Variants in TMCO4 observed in about 807,000 individuals in gnomAD.
The protein encoded by TMCO4 is transmembrane and coiled-coil domain-containing protein 4.
A neutral mutation model predicts 64.7 loss-of-function variants in TMCO4; 58 were observed. The ratio of observed to expected loss-of-function variants is 0.90; its 90% CI spans 0.73 to 1.12. The LOEUF (loss-of-function observed/expected upper bound fraction) is 1.12, where lower values mean the gene tolerates loss of function less well. TMCO4 is among the 50% of genes most tolerant of loss of function. The probability of loss-of-function intolerance (pLI) is 0.00; values close to 1 mark genes in which losing one functional copy is unlikely to be tolerated. For synonymous variants in TMCO4, 325 were observed against 346.1 expected, an observed-to-expected ratio of 0.94 and a Z score of 0.68; for missense variants, 780 against 825.9, an observed-to-expected ratio of 0.94 and a Z score of 0.68.
chr1:19,738,704 G>T (rs921834794), intron 12 of TMCO4, among the ~76,000 whole-genome samples: 1 of 152,246 alleles, frequency 6.6e-6, no homozygotes, highest in Admixed American at 6.5e-5. Flanking sequence ...GGGATTGAAG[G>T]GGGTGGCCAG....
intron 7 of TMCO4, 53 bp downstream of exon 7, chr1:19,755,581 T>G: frequency 6.2e-7 from 1 of 1,608,736 alleles, no homozygotes; most frequent in Non-Finnish European, 8.5e-7. Context: ...ATCTGCAAAG[T>G]ACACTGAAGT....
intron 13 of TMCO4, among the ~76,000 whole-genome samples, chr1:19,701,858 G>A (rs533531750): frequency 1.1e-4 from 16 of 152,260 alleles, no homozygotes; most frequent in African/African-American, 3.6e-4. Flanking sequence ...GGCTGGGGGC[G>A]GTGGTTCACC....
intron 14 of TMCO4, among the ~76,000 whole-genome samples, chr1:19,698,694 T>C (rs1222991582): frequency 3.3e-5 from 5 of 152,180 alleles, no homozygotes; most frequent in Admixed American, 2.6e-4. Flanking sequence ...CTACACTCTC[T>C]CTCCCCTTCC....
intron 13 of TMCO4, among the ~76,000 whole-genome samples, chr1:19,716,916 G>A (rs919868973): frequency 2.6e-5 from 4 of 152,146 alleles, no homozygotes; most frequent in African/African-American, 9.7e-5. Flanking sequence ...GGCCGGGCGC[G>A]GTGGCTCAAG....
At chr1:19,724,000 G>A (rs376344921) in intron 13 of TMCO4, among the ~76,000 whole-genome samples, 1 of 152,206 alleles carries the variant, frequency 6.6e-6, no homozygotes. Context: ...CTAAGGTCAA[G>A]GGTGCCTGCA....
At chr1:19,740,633 G>T in intron 11 of TMCO4, 144 bp downstream of exon 11, 1 of 889,778 alleles carries the variant, frequency 1.1e-6, no homozygotes, top group Non-Finnish European at 1.7e-6. Context: ...CCCCAGACAG[G>T]AATGCGGCCT....
intron 13 of TMCO4, among the ~76,000 whole-genome samples, chr1:19,718,913 AGGT>A (rs2095369284): frequency 6.6e-6 from 1 of 152,148 alleles, no homozygotes; most frequent in South Asian, 2.1e-4. Context: ...CCTGAGATCC[AGGT>A]ACAACAACAA....
At chr1:19,703,366 G>A (rs776169556) in intron 13 of TMCO4, among the ~76,000 whole-genome samples, 4 of 151,872 alleles carry the variant, frequency 2.6e-5, no homozygotes, top group East Asian at 1.9e-4. Flanking sequence ...GAGTTCGTGC[G>A]CCCCACTGGC....
chr1:19,740,763 G>A lies in TMCO4; in HGVS notation c.1042+14C>T. 1 of 1,601,150 alleles carries A rather than the reference G, an allele frequency of 6.2e-7. No individual in the cohort carries two copies. Among genetic ancestry groups the A allele is most frequent in the Non-Finnish European group, 8.5e-7 (1 of 1,172,756 alleles). On this transcript the variant is annotated intron_variant, in intron 11 of 15. Transcript: ENST00000294543. ...TGGGCATGCTGTTGTTGGGGGGCAGGTGGGGGCACTTACCAGACAACACTG... is the reference window on the plus strand; with the variant it reads ...TGGGCATGCTGTTGTTGGGGGGCAGATGGGGGCACTTACCAGACAACACTG...
intron 7 of TMCO4, 32 bp from the exon 8 acceptor site, chr1:19,747,292 G>A (rs2041839146): frequency 3.8e-6 from 6 of 1,587,302 alleles, no homozygotes; most frequent in Non-Finnish European, 5.2e-6. Context: ...TTTAGGGCCA[G>A]CTGTGCCCAG....
rs1357309422 is a variant in TMCO4, at chr1:19,683,410, T to A, written c.1535A>T (p.Asp512Val). 2 of 1,613,344 alleles carry A rather than the reference T, an allele frequency of 1.2e-6. No individual in the cohort carries two copies. Among genetic ancestry groups the A allele is most frequent in the Admixed American group, 1.7e-5 (1 of 60,016 alleles). Residue 512 changes from aspartate (D) to valine (V), a missense_variant, in exon 16 of 16, where the codon GAT becomes GTT. Transcript: ENST00000294543. Reference protein sequence around the residue: ...SGHLDYAKQMDAILKAVGIRT... With the variant: ...SGHLDYAKQMVAILKAVGIRT... ...GATGCCCACGGCCTTCAGGATGGCA[T>A]CCATCTGCTTGGCATAGTCCAGGTG...
At chr1:19,714,924 A>AAAAT (rs754447596) in intron 13 of TMCO4, among the ~76,000 whole-genome samples, 14 of 152,088 alleles carry the variant, frequency 9.2e-5, no homozygotes, top group South Asian at 6.3e-4. Context: ...ACTTCATCTC[A>AAAAT]AAATAAATAA....
At position 19,682,680 on chromosome 1, in the gene TMCO4, C is replaced by T. The variant is rs757492700; in HGVS notation, c.*360G>A. 4.2e-6 allele frequency: 3 copies of T among 717,618 alleles called. No individual in the cohort carries two copies. The South Asian group carries it at 4.4e-5, about 11-fold the overall frequency. 44.5% of individuals were successfully genotyped at this position (717,618 alleles called of 1,614,324 possible). On this transcript the variant is annotated 3_prime_UTR_variant, in exon 16 of 16. Coordinates refer to ENST00000294543, the MANE Select transcript of TMCO4 (RefSeq NM_181719.7). ...TGGGAGCCTCAGGCCCCAGAGAGCC[C>T]TCGGGACCTCCTGATGGACAGCCAG...
intron 8 of TMCO4, among the ~76,000 whole-genome samples, chr1:19,746,923 C>CA (rs199888917): frequency 0.17 from 8,554 of 49,104 alleles, 1,046 homozygotes; most frequent in African/African-American, 0.34. Context: ...GATACTGTCT[C>CA]AAAAAAAAAA....
chr1:19,791,450 T>C (rs1265539386), intron 2 of TMCO4, among the ~76,000 whole-genome samples: 2 of 152,190 alleles, frequency 1.3e-5, no homozygotes, highest in East Asian at 1.9e-4. Context: ...ACTCTATGGA[T>C]TGTCTAACTG....
chr1:19,723,032 C>T (rs1422020261), intron 13 of TMCO4, among the ~76,000 whole-genome samples: 3 of 152,192 alleles, frequency 2.0e-5, no homozygotes, highest in Non-Finnish European at 4.4e-5. Context: ...GGAAGCCGGA[C>T]TGCAGGCTCT....
intron 3 of TMCO4, among the ~76,000 whole-genome samples, chr1:19,784,503 C>G (rs945655457): frequency 6.6e-6 from 1 of 152,138 alleles, no homozygotes; most frequent in Non-Finnish European, 1.5e-5. Flanking sequence ...CACTGCACTC[C>G]AGTCTGGACA....
chr1:19,745,681 G>A, intron 9 of TMCO4, 30 bp from the exon 10 acceptor site: 1 of 1,581,042 alleles, frequency 6.3e-7, no homozygotes, highest in Non-Finnish European at 8.6e-7. Flanking sequence ...AAAGAGAATG[G>A]AGGTGACTGG....
intron 2 of TMCO4, among the ~76,000 whole-genome samples, chr1:19,791,951 T>C (rs2044062805): frequency 6.6e-6 from 1 of 152,084 alleles, no homozygotes; most frequent in African/African-American, 2.4e-5. Context: ...ATCATGGGGG[T>C]GAGTCTTTCC....
Sources: gnomAD v4.1 joint callset for allele counts (sites outside exome capture counted in the v4.1 genomes callset) on GRCh38, gnomAD v4.1.1 for gene constraint, MANE v1.5 for transcripts, NCBI Gene and HGNC (gene_info 2026-07-23, HGNC 2026-07-21) for gene names.